The following KIF6 variants were observed in gnomAD, a reference collection of about 807,000 sequenced individuals.
The protein encoded by KIF6 is kinesin-like protein KIF6.
KIF6 carries 106 observed loss-of-function variants against 112.7 expected under a neutral mutation model. The ratio of observed to expected loss-of-function variants is 0.94; its 90% CI spans 0.80 to 1.11. KIF6 has a LOEUF of 1.11. KIF6 is among the 50% of genes least tolerant of loss of function. KIF6 has a pLI of 0.00. For synonymous variants in KIF6, 339 were observed against 339.9 expected (o/e 1.00, Z 0.03); for missense variants, 929 against 964.0 (o/e 0.96, Z 0.48).
intron 13 of KIF6, among the ~76,000 whole-genome samples, chr6:39,432,443 C>T (rs986375976): frequency 9.9e-5 from 15 of 152,210 alleles, no homozygotes; most frequent in African/African-American, 3.4e-4. Flanking sequence ...CTCTCTGAGT[C>T]CCATCACCCA....
chr6:39,533,709 G>C (rs889387258), intron 13 of KIF6, among the ~76,000 whole-genome samples: 1 of 152,224 alleles, frequency 6.6e-6, no homozygotes, highest in Non-Finnish European at 1.5e-5. Flanking sequence ...AGAGAGCAGT[G>C]GTTCTCCCAG....
intron 1 of KIF6, among the ~76,000 whole-genome samples, chr6:39,721,533 T>C (rs1020691642): frequency 2.0e-5 from 3 of 152,144 alleles, no homozygotes; most frequent in African/African-American, 7.2e-5. Context: ...TACTCCATCA[T>C]TTTTATTGGC....
intron 2 of KIF6, among the ~76,000 whole-genome samples, chr6:39,718,737 G>GAAAAA (rs752779166): frequency 2.3e-5 from 2 of 86,180 alleles, no homozygotes; most frequent in Admixed American, 1.3e-4. Context: ...ACCTGTCTTA[G>GAAAAA]AAAAAAAAAA....
rs114678480 is a variant in KIF6, at chr6:39,486,796, C to T, written c.1645+53207G>A. On this transcript the variant is annotated intron_variant, in intron 13 of 22. Transcript: ENST00000287152. ...AGCAATAACATGATTGCAAAGGTTG[C>T]ATGAACCCAGCAATGTTAATAATAG... is the stretch of plus-strand genomic sequence containing the variant. Among the ~76,000 whole-genome samples, 1,433 of 152,228 alleles carry T rather than the reference C, an allele frequency of 9.4e-3. 14 individuals carry two copies. The highest frequency in any genetic ancestry group is 0.041 in the Middle Eastern group (12 of 294).
chr6:39,510,270 T>C (rs1209841159), intron 13 of KIF6, among the ~76,000 whole-genome samples: 1 of 151,910 alleles, frequency 6.6e-6, no homozygotes, highest in Non-Finnish European at 1.5e-5. Flanking sequence ...TTTTTTGTAT[T>C]TTTAGTAGAG....
At chr6:39,584,459 A>AAGAGAC (rs1781501054) in intron 9 of KIF6, among the ~76,000 whole-genome samples, 1 of 128,594 alleles carries the variant, frequency 7.8e-6, no homozygotes, top group Non-Finnish European at 1.7e-5. Flanking sequence ...AAAAAAAAAA[A>AAGAGAC]AGACTATTAT....
chr6:39,393,219 CG>C (rs1562169074), intron 15 of KIF6, among the ~76,000 whole-genome samples: 1 of 152,166 alleles, frequency 6.6e-6, no homozygotes, highest in East Asian at 1.9e-4. Flanking sequence ...ATTTACCACC[CG>C]CAGGCCCTCT....
intron 13 of KIF6, among the ~76,000 whole-genome samples, chr6:39,455,724 C>T (rs965478500): frequency 1.3e-4 from 19 of 151,674 alleles, no homozygotes; most frequent in African/African-American, 4.4e-4. Flanking sequence ...GTGAAGAATG[C>T]AGAAGCCTCA....
chr6:39,621,833 G>A (rs1783836249), intron 5 of KIF6, among the ~76,000 whole-genome samples: 1 of 152,046 alleles, frequency 6.6e-6, no homozygotes, highest in Admixed American at 6.6e-5. Flanking sequence ...AGGTTAAAAT[G>A]TTCTGTTTAA....
chr6:39,426,353 C>A (rs1041371428), intron 14 of KIF6, among the ~76,000 whole-genome samples: 1 of 152,188 alleles, frequency 6.6e-6, no homozygotes, highest in Non-Finnish European at 1.5e-5. Context: ...CACATACAGG[C>A]AGCACAACTT....
intron 22 of KIF6, among the ~76,000 whole-genome samples, chr6:39,337,204 T>TTTCTTTCTTTCTTTC: frequency 9.2e-6 from 1 of 108,572 alleles, no homozygotes; most frequent in South Asian, 2.7e-4. Flanking sequence ...TCTTTCTTTC[T>TTTCTTTCTTTCTTTC]TTCTTTCTTT....
At chr6:39,646,768 CAACT>C (rs1785191311) in intron 3 of KIF6, among the ~76,000 whole-genome samples, 1 of 152,146 alleles carries the variant, frequency 6.6e-6, no homozygotes, top group African/African-American at 2.4e-5. Flanking sequence ...TAAATCAACA[CAACT>C]AATTTGGAAC....
intron 13 of KIF6, among the ~76,000 whole-genome samples, chr6:39,503,751 A>G (rs1172979005): frequency 6.6e-6 from 1 of 151,910 alleles, no homozygotes; most frequent in African/African-American, 2.4e-5. Context: ...TCCTGAATAC[A>G]TACACCCTCT....
At chr6:39,406,300 G>C (rs2150346366) in intron 15 of KIF6, among the ~76,000 whole-genome samples, 1 of 152,280 alleles carries the variant, frequency 6.6e-6, no homozygotes, top group East Asian at 1.9e-4. Flanking sequence ...GAGCCAGCTT[G>C]CTAGGCTGAT....
chr6:39,592,440 C>A (rs1782002317), intron 7 of KIF6, among the ~76,000 whole-genome samples: 1 of 152,180 alleles, frequency 6.6e-6, no homozygotes. Context: ...ACAACACATT[C>A]AGTTGGAAAC....
At chr6:39,468,789 A>G (rs1773950858) in intron 13 of KIF6, among the ~76,000 whole-genome samples, 1 of 152,082 alleles carries the variant, frequency 6.6e-6, no homozygotes, top group Non-Finnish European at 1.5e-5. Flanking sequence ...GACACCAGTA[A>G]AAGTAATTAT....
chr6:39,621,657 T>C (rs1783828667), intron 5 of KIF6, among the ~76,000 whole-genome samples: 2 of 152,216 alleles, frequency 1.3e-5, no homozygotes, highest in Admixed American at 6.5e-5. Flanking sequence ...CTTAGTAGTG[T>C]ATGTTGCACA....
chr6:39,628,724 G>T (rs1025860078), intron 5 of KIF6, among the ~76,000 whole-genome samples: 1 of 151,818 alleles, frequency 6.6e-6, no homozygotes, highest in African/African-American at 2.4e-5. Flanking sequence ...TCTTTGTATT[G>T]TAAATTCTGT....
chr6:39,595,884 A>T (rs1782223509), intron 7 of KIF6, among the ~76,000 whole-genome samples, 170 bp downstream of exon 7: 1 of 152,194 alleles, frequency 6.6e-6, no homozygotes. Context: ...AACTTTATGA[A>T]TGTACTTAAT....
Sources: allele counts gnomAD v4.1 joint callset (sites outside exome capture counted in the v4.1 genomes callset), GRCh38; gene constraint gnomAD v4.1.1; transcripts MANE v1.5; gene names NCBI Gene and HGNC (gene_info 2026-07-23, HGNC 2026-07-21).